The following KSR1 variants were observed in gnomAD, a reference collection of about 807,000 sequenced individuals.
KSR1 encodes kinase suppressor of ras 1, also known as kinase suppressor of ras.
In KSR1, 35 loss-of-function variants were observed where a neutral mutation model predicts 92.9. The ratio of observed to expected loss-of-function variants is 0.38; its 90% confidence interval spans 0.29 to 0.50. KSR1 has a LOEUF of 0.50. Ranked by LOEUF, KSR1 falls within the 20% of genes least tolerant of loss-of-function variation. The probability of loss-of-function intolerance (pLI) is 0.94; values close to 1 mark genes in which losing one functional copy is unlikely to be tolerated. For synonymous variants in KSR1, 467 were observed against 472.6 expected (o/e 0.99, Z 0.15); for missense variants, 972 against 1,158.5 (o/e 0.84, Z 2.34).
chr17:27,605,488 G>C lies in KSR1; in HGVS notation c.1669G>C (p.Asp557His). The C allele has an allele frequency of 2.5e-6, 4 of 1,607,922 alleles. No homozygotes were observed. Among genetic ancestry groups the C allele is most frequent in the African/African-American group, 1.3e-5 (1 of 74,996 alleles). Residue 557 changes from aspartate to histidine, a missense_variant, in exon 14 of 21, where the codon GAC becomes CAC. By Grantham distance (81) the Asp-to-His change is moderately conservative. Coordinates refer to ENST00000644974, the MANE Select transcript of KSR1 (RefSeq NM_001394583.1). The part of the protein sequence containing the change: ...SEAEDDEDEV[D>H]DLPSSRRPWR... ...GGCAGAAGACGATGAGGACGAGGTG[G>C]ACGACTTGCCGAGCTCTCGCCGGCC...
At chr17:27,523,269 G>A (rs981401456) in intron 1 of KSR1, among the ~76,000 whole-genome samples, 2 of 152,020 alleles carry the variant, frequency 1.3e-5, no homozygotes, top group African/African-American at 4.8e-5. Context: ...TTTACACAGT[G>A]TAGTACTTTT....
At chr17:27,490,854 A>G (rs1370432933) in intron 1 of KSR1, among the ~76,000 whole-genome samples, 1 of 152,206 alleles carries the variant, frequency 6.6e-6, no homozygotes, top group Non-Finnish European at 1.5e-5. Context: ...AAGGTTGTTC[A>G]TTGTGTAAAG....
chr17:27,566,092 G>A (rs1049877871), intron 2 of KSR1, among the ~76,000 whole-genome samples: 5 of 152,106 alleles, frequency 3.3e-5, no homozygotes, highest in Admixed American at 3.3e-4. Context: ...GTGGGGGTGG[G>A]GGTTCCCCAG....
In KSR1 at chr17:27,605,329, G is replaced by A. The variant is rs2073711888; in HGVS notation, c.1615-105G>A. The A allele has an allele frequency of 4.2e-6, 6 of 1,436,956 alleles. No individual in the cohort carries two copies. In the Admixed American group the frequency reaches 1.1e-4, roughly 25 times the overall value. The allele number at this position is 1,436,956 out of a possible 1,614,324, so 89.0% of individuals were successfully genotyped here. On this transcript the variant is annotated intron_variant, in intron 13 of 20. Coordinates refer to ENST00000644974, the MANE Select transcript of KSR1 (RefSeq NM_001394583.1). The stretch of plus-strand genomic sequence containing the variant: ...CAACTACAACCTGGGTCCCCTGGCA[G>A]GATGCCTCTCTCCCCTGTTACCTGG...
At chr17:27,593,804 G>C (rs1403944211) in intron 9 of KSR1, among the ~76,000 whole-genome samples, 1 of 152,232 alleles carries the variant, frequency 6.6e-6, no homozygotes, top group Non-Finnish European at 1.5e-5. Context: ...ACAGAAATTA[G>C]TTTCTCATGG....
In KSR1 at chr17:27,518,775, T is replaced by C. The variant is rs182996849; in HGVS notation, c.232-31793T>C. On this transcript the variant is annotated intron_variant, in intron 1 of 20. Coordinates refer to ENST00000644974, the MANE Select transcript of KSR1 (RefSeq NM_001394583.1). ...GACACTCCCTAGACCCTCCTCCCTC[T>C]CCACCAAAGGCATAGCCTTCATAGT... Among the ~76,000 whole-genome samples the C allele has an allele frequency of 3.3e-4, 51 of 152,298 alleles. 1 individual carries two copies. The highest frequency in any genetic ancestry group is 6.5e-4 in the Non-Finnish European group (44 of 68,014).
intron 2 of KSR1, among the ~76,000 whole-genome samples, chr17:27,564,551 G>T (rs1409402567): frequency 1.3e-5 from 2 of 152,188 alleles, no homozygotes; most frequent in Admixed American, 6.5e-5. Context: ...GGCTTGCTCC[G>T]CATGGCAGGT....
chr17:27,486,429 G>C (rs2068667144), intron 1 of KSR1, among the ~76,000 whole-genome samples: 2 of 152,196 alleles, frequency 1.3e-5, no homozygotes, highest in African/African-American at 4.8e-5. Context: ...AAAGTGGCCA[G>C]TATGTGGAAC....
intron 1 of KSR1, among the ~76,000 whole-genome samples, chr17:27,489,388 G>A (rs2068756822): frequency 6.6e-6 from 1 of 152,216 alleles, no homozygotes; most frequent in African/African-American, 2.4e-5. Context: ...TGGGGAATGA[G>A]GCAGGGGGCC....
chr17:27,507,859 G>C (rs1365318658), intron 1 of KSR1, among the ~76,000 whole-genome samples: 1 of 152,134 alleles, frequency 6.6e-6, no homozygotes, highest in East Asian at 1.9e-4. Context: ...ACAGGTGTGA[G>C]CTACTGTGCC....
rs941359466 is a variant in KSR1 at position 27,590,977 on chromosome 17, A to G, written c.1130+83A>G. The G allele has an allele frequency of 9.2e-6, 11 of 1,200,564 alleles. No homozygotes were observed. The African/African-American group carries it at 1.2e-4, about 13-fold the overall frequency. The allele number at this position is 1,200,564 out of a possible 1,614,324, so 74.4% of individuals were successfully genotyped here. A position where few individuals can be genotyped will look rare whatever the true frequency, so the allele number is the denominator to read the frequency against. Reference sequence around the variant, plus strand: ...ATGCGCTTCCCTATGCTTGCTATTCATAGTCCTATTCAGCACACCAGGGAG... The same window carrying G: ...ATGCGCTTCCCTATGCTTGCTATTCGTAGTCCTATTCAGCACACCAGGGAG... On this transcript the variant is annotated intron_variant, in intron 7 of 20. Coordinates refer to ENST00000644974, the MANE Select transcript of KSR1 (RefSeq NM_001394583.1).
chr17:27,566,364 A>G (rs1319680035), intron 2 of KSR1: 3 of 398,428 alleles, frequency 7.5e-6, no homozygotes, highest in African/African-American at 6.2e-5. Flanking sequence ...TACAGTCATG[A>G]AAACAGAAAC....
At chr17:27,469,193 C>T (rs115289593) in intron 1 of KSR1, among the ~76,000 whole-genome samples, 2,036 of 152,264 alleles carry the variant, frequency 0.013, 42 homozygotes, top group African/African-American at 0.046. Context: ...GCTCTTCTCT[C>T]GAGGCTCTGC....
chr17:27,599,281 G>A (rs540014232), intron 10 of KSR1, among the ~76,000 whole-genome samples: 1 of 152,320 alleles, frequency 6.6e-6, no homozygotes, highest in South Asian at 2.1e-4. Flanking sequence ...AATAGGGCTG[G>A]GCACAGTGGC....
intron 11 of KSR1, 85 bp from the exon 12 acceptor site, chr17:27,603,749 T>G (rs2073649049): frequency 1.5e-6 from 2 of 1,374,588 alleles, no homozygotes; most frequent in Middle Eastern, 1.8e-4. Flanking sequence ...TCAGCCTCTC[T>G]GGGGGTGCTG....
At chr17:27,598,405 A>G (rs1218197700) in intron 10 of KSR1, among the ~76,000 whole-genome samples, 1 of 152,088 alleles carries the variant, frequency 6.6e-6, no homozygotes, top group African/African-American at 2.4e-5. Context: ...CTGGAGCCAT[A>G]CCCAGCCAGC....
In KSR1 at chr17:27,550,616, G is replaced by A. The variant is rs1236987765; in HGVS notation, c.280G>A (p.Val94Met). The A allele has an allele frequency of 6.5e-6, 5 of 764,796 alleles. No individual in the cohort carries two copies. The highest frequency in any genetic ancestry group is 3.4e-5 in the African/African-American group (2 of 59,248). The allele number at this position is 764,796 out of a possible 1,614,324, so 47.4% of individuals were successfully genotyped here. Reference sequence around the variant, plus strand: ...TAAGCAGAGGCAGTGCAAGCTGAGCGTGGCTCCCGGTGAGAGGACCCCAGA... The same window carrying A: ...TAAGCAGAGGCAGTGCAAGCTGAGCATGGCTCCCGGTGAGAGGACCCCAGA... ...ICKQRQCKLS[V>M]APGERTPELN... The change falls in exon 2 of 21, where the codon GTG becomes ATG. Residue 94 changes from valine (V) to methionine (M), a missense_variant. Physicochemically the swap from Val to Met is conservative, Grantham distance 21. Transcript: ENST00000644974.
intron 2 of KSR1, among the ~76,000 whole-genome samples, chr17:27,561,667 T>C (rs1308234916): frequency 6.6e-6 from 1 of 152,210 alleles, no homozygotes; most frequent in Non-Finnish European, 1.5e-5. Flanking sequence ...TGAACATGAG[T>C]TCCTGTCCTT....
At chr17:27,492,330 C>T (rs530330983) in intron 1 of KSR1, among the ~76,000 whole-genome samples, 21 of 152,312 alleles carry the variant, frequency 1.4e-4, no homozygotes, top group African/African-American at 5.1e-4. Context: ...AGGCAGGAGT[C>T]TCCTCAACTC....
Sources: gnomAD v4.1 joint callset for allele counts (sites outside exome capture counted in the v4.1 genomes callset) on GRCh38, gnomAD v4.1.1 for gene constraint, MANE v1.5 for transcripts, NCBI Gene and HGNC (gene_info 2026-07-23, HGNC 2026-07-21) for gene names.